Variants in CDKAL1 observed in about 807,000 individuals in gnomAD.
The protein encoded by CDKAL1 is CDKAL1 threonylcarbamoyladenosine tRNA methylthiotransferase.
A neutral mutation model predicts 68.2 loss-of-function variants in CDKAL1; 32 were observed. The observed-to-expected ratio is 0.47, with a 90% CI of 0.35 to 0.63. CDKAL1 has a LOEUF of 0.63. Ranked by LOEUF, CDKAL1 falls within the 30% of genes least tolerant of loss-of-function variation. The pLI, the probability that CDKAL1 is intolerant of heterozygous loss-of-function variation, is 0.00. For synonymous variants in CDKAL1, 234 were observed against 244.3 expected (o/e 0.96, Z 0.39); for missense variants, 606 against 696.7 (o/e 0.87, Z 1.47).
chr6:21,116,822 A>G (rs1216209574), intron 13 of CDKAL1, among the ~76,000 whole-genome samples: 1 of 152,198 alleles, frequency 6.6e-6, no homozygotes, highest in Non-Finnish European at 1.5e-5. Flanking sequence ...GTATTTTCAA[A>G]TTATTTACCA....
intron 5 of CDKAL1, among the ~76,000 whole-genome samples, chr6:20,731,966 C>G (rs1772951471): frequency 6.6e-6 from 1 of 152,124 alleles, no homozygotes; most frequent in African/African-American, 2.4e-5. Context: ...TGAAAGATTT[C>G]CAGGGAGGAT....
chr6:21,094,383 G>A (rs1042086739), intron 12 of CDKAL1, among the ~76,000 whole-genome samples: 1 of 152,158 alleles, frequency 6.6e-6, no homozygotes, highest in African/African-American at 2.4e-5. Flanking sequence ...ATGTGGAGCT[G>A]GTTGGTTCTT....
intron 9 of CDKAL1, among the ~76,000 whole-genome samples, chr6:20,941,600 G>T (rs1763975909): frequency 6.6e-6 from 1 of 152,178 alleles, no homozygotes; most frequent in Non-Finnish European, 1.5e-5. Flanking sequence ...TATGCATTGT[G>T]TTACCCATAG....
chr6:20,875,687 A>AG (rs1402115245), intron 9 of CDKAL1, among the ~76,000 whole-genome samples: 1 of 152,112 alleles, frequency 6.6e-6, no homozygotes, highest in African/African-American at 2.4e-5. Context: ...ATGAAAAAAA[A>AG]TAGGGTCTGT....
intron 11 of CDKAL1, among the ~76,000 whole-genome samples, chr6:21,015,994 A>AGAGTGTT (rs1327250032): frequency 2.0e-5 from 3 of 151,314 alleles, no homozygotes; most frequent in Non-Finnish European, 4.4e-5. Flanking sequence ...CAGTTTTTGG[A>AGAGTGTT]GAGTGTTTTT....
At chr6:20,738,983 A>T (rs997146379) in intron 5 of CDKAL1, among the ~76,000 whole-genome samples, 4 of 152,212 alleles carry the variant, frequency 2.6e-5, no homozygotes. Flanking sequence ...AAGCATATGC[A>T]GTCAACTTTA....
chr6:20,838,389 CAT>C lies in CDKAL1; in HGVS notation c.639-7685_639-7684del, dbSNP rs141805571. Among the ~76,000 whole-genome samples the C allele has an allele frequency of 2.9e-3, 439 of 152,094 alleles. 3 individuals are homozygous for C. Among genetic ancestry groups the C allele is most frequent in the African/African-American group, 9.1e-3 (378 of 41,508 alleles). On this transcript the variant is annotated intron_variant, in intron 8 of 15. Transcript: ENST00000274695. ...GCCAACCAGGTGTCTATGTCACAAA[CAT>C]TATTTGACAATTACAGCTGTCTCTA...
chr6:21,067,337 T>G (rs148577400), intron 12 of CDKAL1, among the ~76,000 whole-genome samples: 359 of 152,354 alleles, frequency 2.4e-3, no homozygotes, highest in African/African-American at 8.2e-3. Flanking sequence ...ATTTGTTTGT[T>G]TTTGCATAAC....
chr6:21,084,265 A>T (rs1772576556), intron 12 of CDKAL1, among the ~76,000 whole-genome samples: 1 of 152,190 alleles, frequency 6.6e-6, no homozygotes, highest in Non-Finnish European at 1.5e-5. Flanking sequence ...AAGTCCTTAG[A>T]CTATATTTTT....
intron 13 of CDKAL1, 48 bp downstream of exon 13, chr6:21,108,511 A>G: frequency 1.6e-6 from 2 of 1,212,196 alleles, no homozygotes; most frequent in Non-Finnish European, 1.2e-6. Context: ...GTCTTTCCGA[A>G]TGTATAGTAC....
intron 11 of CDKAL1, among the ~76,000 whole-genome samples, chr6:21,010,186 G>A (rs926231582): frequency 6.6e-6 from 1 of 152,152 alleles, no homozygotes; most frequent in African/African-American, 2.4e-5. Flanking sequence ...TGACCATGAG[G>A]AGAAAAACTA....
intron 7 of CDKAL1, among the ~76,000 whole-genome samples, chr6:20,774,793 G>A (rs755675330): frequency 9.2e-5 from 14 of 152,284 alleles, no homozygotes; most frequent in South Asian, 8.3e-4. Context: ...AAATCGTTTA[G>A]TAACATTCTT....
chr6:21,182,091 A>G (rs1024830432), intron 13 of CDKAL1, among the ~76,000 whole-genome samples: 2 of 152,214 alleles, frequency 1.3e-5, no homozygotes, highest in Admixed American at 6.5e-5. Context: ...GTGCTTCTGT[A>G]AGTTGGCAAC....
chr6:20,757,025 C>T (rs1297392627), intron 6 of CDKAL1, among the ~76,000 whole-genome samples: 1 of 151,752 alleles, frequency 6.6e-6, no homozygotes, highest in Non-Finnish European at 1.5e-5. Flanking sequence ...CCTCCACCTC[C>T]CATGTTCAAG....
chr6:20,544,174 C>T (rs887153319), intron 2 of CDKAL1, among the ~76,000 whole-genome samples: 2 of 152,152 alleles, frequency 1.3e-5, no homozygotes, highest in Non-Finnish European at 2.9e-5. Flanking sequence ...ATCTTTCCTC[C>T]ATTTAATTGC....
At chr6:21,090,494 A>C (rs901177483) in intron 12 of CDKAL1, among the ~76,000 whole-genome samples, 1 of 152,210 alleles carries the variant, frequency 6.6e-6, no homozygotes, top group African/African-American at 2.4e-5. Flanking sequence ...ACAAAACCTG[A>C]GTTGTAACAT....
intron 9 of CDKAL1, among the ~76,000 whole-genome samples, chr6:20,945,368 C>A (rs1232632882): frequency 6.6e-6 from 1 of 152,116 alleles, no homozygotes; most frequent in Non-Finnish European, 1.5e-5. Context: ...AATCTGAAAT[C>A]TAAAATCCCT....
At chr6:21,229,047 A>C (rs1170082185) in intron 15 of CDKAL1, among the ~76,000 whole-genome samples, 1 of 152,192 alleles carries the variant, frequency 6.6e-6, no homozygotes, top group African/African-American at 2.4e-5. Flanking sequence ...GGAGACCAGC[A>C]GGATATCGGC....
intron 4 of CDKAL1, among the ~76,000 whole-genome samples, chr6:20,566,027 G>C (rs1339661526): frequency 6.6e-6 from 1 of 151,968 alleles, no homozygotes. Context: ...AATGGACAAA[G>C]ATAGTTAAGT....
Sources: gnomAD v4.1 joint callset for allele counts (sites outside exome capture counted in the v4.1 genomes callset) on GRCh38, gnomAD v4.1.1 for gene constraint, MANE v1.5 for transcripts, NCBI Gene and HGNC (gene_info 2026-07-23, HGNC 2026-07-21) for gene names.